The following GAS7 variants were observed in gnomAD, a reference collection of about 807,000 sequenced individuals.
GAS7 encodes growth arrest specific 7.
A neutral mutation model predicts 71.1 loss-of-function variants in GAS7; 28 were observed. The ratio of observed to expected loss-of-function variants is 0.39; its 90% CI spans 0.29 to 0.54. The LOEUF (loss-of-function observed/expected upper bound fraction) is 0.54. Ranked by LOEUF, GAS7 falls within the 20% of genes least tolerant of loss-of-function variation. The pLI is 0.62. For missense variants in GAS7, 436 were observed against 627.8 expected, an observed-to-expected ratio of 0.69 and a Z score of 3.27; for synonymous variants, 258 against 245.8, an observed-to-expected ratio of 1.05 and a Z score of -0.46.
intron 2 of GAS7, among the ~76,000 whole-genome samples, chr17:9,988,644 G>A (rs1027922409): frequency 6.6e-6 from 1 of 152,114 alleles, no homozygotes; most frequent in South Asian, 2.1e-4. Context: ...CAGAGATCGC[G>A]TCGTTGCACT....
At position 10,036,535 on chromosome 17, in the gene GAS7, C is replaced by T; in HGVS notation, c.184-16638G>A. On this transcript the variant is annotated intron_variant, in intron 1 of 13. Transcript: ENST00000432992. ...CTCAGCACCAAGACTCCGCCGGCTT[C>T]CTCTTCATGGCAGCCTCTCCGGGAA... The T allele has an allele frequency of 3.1e-6, 5 of 1,597,696 alleles. No individual in the cohort carries two copies. In the South Asian group the frequency reaches 5.6e-5, roughly 18 times the overall value.
intron 4 of GAS7, among the ~76,000 whole-genome samples, chr17:9,961,049 T>TC (rs1467834580): frequency 6.6e-6 from 1 of 152,090 alleles, no homozygotes; most frequent in Non-Finnish European, 1.5e-5. Flanking sequence ...ATCCAGCAGG[T>TC]CCCAGGTGGT....
At chr17:10,067,580 A>C (rs1469342974) in intron 1 of GAS7, among the ~76,000 whole-genome samples, 1 of 151,760 alleles carries the variant, frequency 6.6e-6, no homozygotes, top group Non-Finnish European at 1.5e-5. Flanking sequence ...CTATACCCCC[A>C]CCCCCTCTGG....
At chr17:10,049,878 C>T (rs139222904) in intron 1 of GAS7, among the ~76,000 whole-genome samples, 14 of 152,060 alleles carry the variant, frequency 9.2e-5, no homozygotes, top group African/African-American at 3.1e-4. Flanking sequence ...CCTTGGCGTC[C>T]CAAAGTGTTG....
At chr17:10,012,334 C>T (rs754442617) in intron 2 of GAS7, among the ~76,000 whole-genome samples, 9 of 152,206 alleles carry the variant, frequency 5.9e-5, no homozygotes, top group Non-Finnish European at 1.2e-4. Context: ...GTCACCCAGG[C>T]TGGAGAGCAA....
chr17:9,924,931 C>G (rs1349634798), intron 11 of GAS7: 11 of 152,230 alleles, frequency 7.2e-5, no homozygotes. Context: ...GAAGCAGAAA[C>G]CAACTCATTG....
At chr17:10,108,876 C>T (rs1421312320) in intron 1 of GAS7, among the ~76,000 whole-genome samples, 1 of 152,056 alleles carries the variant, frequency 6.6e-6, no homozygotes, top group African/African-American at 2.4e-5. Context: ...AACTATAAAA[C>T]TACTAGAAAG....
intron 11 of GAS7, among the ~76,000 whole-genome samples, chr17:9,921,698 G>A (rs921641331): frequency 2.0e-5 from 3 of 152,122 alleles, no homozygotes; most frequent in Admixed American, 6.5e-5. Context: ...GGTGCCTCAC[G>A]CCTGTAATCC....
intron 1 of GAS7, among the ~76,000 whole-genome samples, chr17:10,101,317 T>C (rs1398224288): frequency 6.6e-6 from 1 of 152,212 alleles, no homozygotes; most frequent in Non-Finnish European, 1.5e-5. Context: ...ATTTGTTAGT[T>C]TCTTGCCACA....
intron 1 of GAS7, among the ~76,000 whole-genome samples, chr17:10,079,720 C>T (rs2073436685): frequency 6.6e-6 from 1 of 152,180 alleles, no homozygotes; most frequent in Non-Finnish European, 1.5e-5. Context: ...GCGCCCTGAC[C>T]ACCTTGGCCA....
intron 2 of GAS7, among the ~76,000 whole-genome samples, chr17:10,018,162 A>G (rs991480661): frequency 2.0e-5 from 3 of 152,252 alleles, no homozygotes; most frequent in African/African-American, 7.2e-5. Flanking sequence ...AAGAATAAGT[A>G]TACATATGTT....
rs765142297 is a variant in GAS7 at position 9,946,877 on chromosome 17, AC to A, written c.615+16del. ...TCACCGGGGTCACGCTGTGGGGGAA[AC>A]TGAGGCGCTGCTTACCCAGAAGTAG... On this transcript the variant is annotated intron_variant, in intron 6 of 13. Transcript: ENST00000432992. The A allele has an allele frequency of 6.4e-7, 1 of 1,571,802 alleles. No individual in the cohort carries two copies. Among genetic ancestry groups the A allele is most frequent in the Admixed American group, 1.7e-5 (1 of 59,840 alleles).
At chr17:10,128,521 C>A (rs1164539190) in intron 1 of GAS7, among the ~76,000 whole-genome samples, 1 of 152,228 alleles carries the variant, frequency 6.6e-6, no homozygotes, top group Non-Finnish European at 1.5e-5. Flanking sequence ...ACCCCCTTAA[C>A]TAGGCCAGAA....
chr17:9,975,310 C>G (rs880556), intron 3 of GAS7, among the ~76,000 whole-genome samples: 70,163 of 151,912 alleles, frequency 0.46, 17,783 homozygotes, highest in African/African-American at 0.68. Context: ...AGCCAAGATC[C>G]TGGCATTGCA....
chr17:10,083,924 C>T (rs1186043806), intron 1 of GAS7, among the ~76,000 whole-genome samples: 1 of 152,202 alleles, frequency 6.6e-6, no homozygotes, highest in African/African-American at 2.4e-5. Flanking sequence ...AACAGGAAGA[C>T]AAGTTCTCAG....
At chr17:10,167,044 CTTTTTTTTTTTTTTT>C (rs1164151104) in intron 1 of GAS7, among the ~76,000 whole-genome samples, 2 of 58,806 alleles carry the variant, frequency 3.4e-5, no homozygotes, top group Non-Finnish European at 2.9e-5. Flanking sequence ...TTCCATTTGT[CTTTTTTTTTTTTTTT>C]TTTTTTTTTT....
chr17:10,067,001 T>C (rs1403204961), intron 1 of GAS7, among the ~76,000 whole-genome samples: 1 of 152,190 alleles, frequency 6.6e-6, no homozygotes, highest in Non-Finnish European at 1.5e-5. Context: ...TAATACCTGT[T>C]ACAAGGATCA....
At chr17:9,940,550 T>C (rs150059643) in intron 7 of GAS7, among the ~76,000 whole-genome samples, 11 of 152,188 alleles carry the variant, frequency 7.2e-5, no homozygotes, top group African/African-American at 1.7e-4. Context: ...GAAATGAACG[T>C]TTGCAACTCG....
At chr17:9,986,947 T>G (rs564303487) in intron 2 of GAS7, among the ~76,000 whole-genome samples, 6 of 152,244 alleles carry the variant, frequency 3.9e-5, no homozygotes, top group African/African-American at 1.4e-4. Flanking sequence ...CTGGGTGACC[T>G]CACCAGCAGC....
Sources: gnomAD v4.1 joint callset for allele counts (sites outside exome capture counted in the v4.1 genomes callset) on GRCh38, gnomAD v4.1.1 for gene constraint, MANE v1.5 for transcripts, NCBI Gene and HGNC (gene_info 2026-07-23, HGNC 2026-07-21) for gene names.